The following SIDT1 variants were observed in gnomAD, a reference collection of about 807,000 sequenced individuals.
The protein encoded by SIDT1 is SID1 transmembrane family member 1, also known as SID1 transmembrane family, member 1.
In SIDT1, 101 loss-of-function variants were observed where a neutral mutation model predicts 107.5. The ratio of observed to expected loss-of-function variants is 0.94; its 90% CI spans 0.80 to 1.11. SIDT1 has a LOEUF of 1.11. Among genes scored for constraint, SIDT1 ranks in the 50% least tolerant of loss-of-function variants. The pLI, the probability that SIDT1 is intolerant of heterozygous loss-of-function variation, is 0.00. For missense variants in SIDT1, 1,076 were observed against 1,058.2 expected, an observed-to-expected ratio of 1.02 and a Z score of -0.23; for synonymous variants, 395 against 398.2, an observed-to-expected ratio of 0.99 and a Z score of 0.10.
intron 19 of SIDT1, among the ~76,000 whole-genome samples, chr3:113,613,267 G>A (rs1320707890): frequency 6.6e-6 from 1 of 152,220 alleles, no homozygotes; most frequent in Admixed American, 6.5e-5. Context: ...GATACACAAG[G>A]GAAGGGGGCT....
chr3:113,619,172 G>C (rs952501736), intron 20 of SIDT1, among the ~76,000 whole-genome samples: 1 of 152,090 alleles, frequency 6.6e-6, no homozygotes. Flanking sequence ...TCCCCTACAA[G>C]AGTCTATATT....
At chr3:113,586,722 T>G (rs566304931) in intron 9 of SIDT1, among the ~76,000 whole-genome samples, 28 of 152,172 alleles carry the variant, frequency 1.8e-4, no homozygotes, top group Non-Finnish European at 3.5e-4. Flanking sequence ...AAGATGGACA[T>G]TGTGTGCCTC....
chr3:113,580,572 A>G (rs749686518), intron 4 of SIDT1, 36 bp from the exon 5 acceptor site: 41 of 1,312,066 alleles, frequency 3.1e-5, no homozygotes, highest in Non-Finnish European at 3.5e-5. Flanking sequence ...CCATTCATGT[A>G]AATATAAATC....
At chr3:113,581,294 C>T in intron 5 of SIDT1, 67 bp from the exon 6 acceptor site, 1 of 1,272,306 alleles carries the variant, frequency 7.9e-7, no homozygotes, top group Non-Finnish European at 1.1e-6. Flanking sequence ...CTGACAGGAC[C>T]TATGTGTGGC....
intron 20 of SIDT1, among the ~76,000 whole-genome samples, chr3:113,617,467 A>G (rs980886921): frequency 6.6e-5 from 10 of 152,322 alleles, no homozygotes; most frequent in Admixed American, 1.3e-4. Flanking sequence ...TAGTGATGCT[A>G]GTATTGCCTG....
chr3:113,567,088 AT>A (rs1316445099), intron 2 of SIDT1, among the ~76,000 whole-genome samples: 3 of 152,166 alleles, frequency 2.0e-5, no homozygotes, highest in Non-Finnish European at 4.4e-5. Flanking sequence ...GACACATAAC[AT>A]TCTTTTTAAA....
intron 4 of SIDT1, among the ~76,000 whole-genome samples, chr3:113,579,926 A>G (rs1032499629): frequency 1.3e-5 from 2 of 152,230 alleles, no homozygotes; most frequent in Non-Finnish European, 2.9e-5. Flanking sequence ...ACATGGGTAA[A>G]TAGTACAACC....
chr3:113,620,149 A>G (rs1946367329), intron 21 of SIDT1, among the ~76,000 whole-genome samples: 3 of 151,830 alleles, frequency 2.0e-5, no homozygotes, highest in African/African-American at 4.8e-5. Context: ...CATAAAGACT[A>G]CCCAGTAGGC....
At chr3:113,623,825 G>C (rs1003302431) in intron 23 of SIDT1, 92 bp downstream of exon 23, 2 of 836,324 alleles carry the variant, frequency 2.4e-6, no homozygotes, top group Non-Finnish European at 4.0e-6. Flanking sequence ...TGTTTTCACA[G>C]TGTCTAAAAT....
rs755020580 is a variant in SIDT1, at chr3:113,583,495, G to A, written c.834G>A (p.Gln278=). The A allele has an allele frequency of 8.8e-6, 14 of 1,584,600 alleles. No individual in the cohort carries two copies. The highest frequency in any genetic ancestry group is 1.2e-5 in the Non-Finnish European group (14 of 1,158,856). Residue 278 remains glutamine, a splice_region_variant and synonymous_variant, in exon 7 of 25, where the codon CAG becomes CAA. Transcript: ENST00000264852. Reference sequence around the variant, plus strand: ...CCTGTGGAGGATCTTTCTTCATCCAGGGTAAGAGCTAGTGAGGAACACTTG... The same window carrying A: ...CCTGTGGAGGATCTTTCTTCATCCAAGGTAAGAGCTAGTGAGGAACACTTG... ...DYACGGSFFI[Q]EKENQTWNLQ...
Position 113,604,027 on chromosome 3 carries a change from A to G in SIDT1, c.1331A>G (p.Tyr444Cys). ...RRIVSKKYKIYFWNIITIAVF... is the reference protein window; with the variant it reads ...RRIVSKKYKICFWNIITIAVF... ...ATTGTCAGCAAAAAATATAAAATTTATTTTTGGTAAGTAGATGACCAGTAG... is the reference window on the plus strand; with the variant it reads ...ATTGTCAGCAAAAAATATAAAATTTGTTTTTGGTAAGTAGATGACCAGTAG... Residue 444 changes from tyrosine (Y) to cysteine (C), a missense_variant, in exon 13 of 25, where the codon TAT (tyrosine) becomes TGT (cysteine). Physicochemically the swap from Tyr to Cys is radical, Grantham distance 194. Coordinates refer to ENST00000264852, the MANE Select transcript of SIDT1 (RefSeq NM_017699.3). 1 of 1,585,816 alleles carries G rather than the reference A, an allele frequency of 6.3e-7. No homozygotes were observed. Among genetic ancestry groups the G allele is most frequent in the Non-Finnish European group, 8.6e-7 (1 of 1,162,732 alleles).
chr3:113,603,111 G>T lies in SIDT1; in HGVS notation c.1224G>T (p.Met408Ile). The change falls in exon 12 of 25, where the codon ATG becomes ATT. Residue 408 changes from methionine (M) to isoleucine (I), a missense_variant. Coordinates refer to ENST00000264852, the MANE Select transcript of SIDT1 (RefSeq NM_017699.3). ...TGGAGGAGAGCGACTTCGACACCAT[G>T]CCAGACATTGAGAGTGATAAAAACA... ...SSVEESDFDT[M>I]PDIESDKNII... is the part of the protein sequence containing the mutation. 3.1e-6 allele frequency: 5 copies of T among 1,614,070 alleles called. No individual in the cohort carries two copies. Among genetic ancestry groups the T allele is most frequent in the Non-Finnish European group, 4.2e-6 (5 of 1,179,972 alleles).
chr3:113,604,088 G>A, intron 13 of SIDT1, 55 bp downstream of exon 13: 2 of 1,291,590 alleles, frequency 1.5e-6, no homozygotes, highest in Non-Finnish European at 2.2e-6. Context: ...AGTTTTCTTA[G>A]TCAGAGCCAC....
At chr3:113,560,050 T>C (rs1043294500) in intron 1 of SIDT1, among the ~76,000 whole-genome samples, 3 of 152,202 alleles carry the variant, frequency 2.0e-5, no homozygotes, top group African/African-American at 4.8e-5. Context: ...GTTCTAGTCA[T>C]GATTGTTCCA....
Position 113,603,138 on chromosome 3 carries a change from C to T in SIDT1, c.1251C>T (p.Ile417=), listed in dbSNP as rs1344077713. 1.2e-6 allele frequency: 2 copies of T among 1,613,602 alleles called. No homozygotes were observed. The highest frequency in any genetic ancestry group is 3.3e-5 in the Admixed American group (2 of 59,964). The part of the protein sequence containing the change: ...TMPDIESDKN[I]IRTKMFLYLS... ...CAGACATTGAGAGTGATAAAAACAT[C>T]ATCCGGACCAAGGTACCCACTCTGC... The change falls in exon 12 of 25, where the codon ATC becomes ATT. Residue 417 remains isoleucine (I), a synonymous_variant. Transcript: ENST00000264852.
At position 113,603,073 on chromosome 3, in the gene SIDT1, A is replaced by G; in HGVS notation, c.1186A>G (p.Thr396Ala). 6.2e-7 allele frequency: 1 copy of G among 1,614,168 alleles called. No individual in the cohort carries two copies. Among genetic ancestry groups the G allele is most frequent in the Non-Finnish European group, 8.5e-7 (1 of 1,180,012 alleles). The change falls in exon 12 of 25, where the codon ACA (threonine) becomes GCA (alanine). Residue 396 changes from threonine (T) to alanine (A), a missense_variant. Thr to Ala is a moderately conservative substitution (Grantham distance 58, BLOSUM62 0). Coordinates refer to ENST00000264852, the MANE Select transcript of SIDT1 (RefSeq NM_017699.3). ...TGGTGGGCCACCGGGCCAGTCAGAC[A>G]CAGACAGCTCCGTGGAGGAGAGCGA... ...SDGGPPGQSD[T>A]DSSVEESDFD...
chr3:113,551,126 G>C (rs1158644692), intron 1 of SIDT1, among the ~76,000 whole-genome samples: 2 of 152,072 alleles, frequency 1.3e-5, no homozygotes, highest in East Asian at 1.9e-4. Context: ...AGTATTCCAT[G>C]GTGCATATAT....
At chr3:113,615,159 C>G in intron 19 of SIDT1, 1 of 1,409,292 alleles carries the variant, frequency 7.1e-7, no homozygotes, top group Non-Finnish European at 9.7e-7. Context: ...CAGCCCTGCT[C>G]CCTGAACAGC....
rs754269057 is a variant in SIDT1 at position 113,590,620 on chromosome 3, T to C, written c.1002-2385T>C. Among the ~76,000 whole-genome samples the C allele has an allele frequency of 3.7e-4, 56 of 152,210 alleles. 1 individual carries two copies. Among genetic ancestry groups the C allele is most frequent in the Non-Finnish European group, 1.3e-4 (9 of 68,038 alleles). On this transcript the variant is annotated intron_variant, in intron 9 of 24. Coordinates refer to ENST00000264852, the MANE Select transcript of SIDT1 (RefSeq NM_017699.3). ...AAAGAAACTCCGAGTTTAACAAGAT[T>C]TCTTGAGATCAATATGCAAAAAATC...
Sources: gnomAD v4.1 joint callset for allele counts (sites outside exome capture counted in the v4.1 genomes callset) on GRCh38, gnomAD v4.1.1 for gene constraint, MANE v1.5 for transcripts, NCBI Gene and HGNC (gene_info 2026-07-23, HGNC 2026-07-21) for gene names.